The following CSTPP1 variants were observed in gnomAD, a reference collection of about 807,000 sequenced individuals.
CSTPP1 encodes UPF0705 protein C11orf49.
At chr11:46,946,542 C>G in the CSTPP1 span, among the ~76,000 whole-genome samples, 10 of 152,312 alleles carry the variant, frequency 6.6e-5, no homozygotes, top group Non-Finnish European at 7.3e-5. Context: ...CCTGTAGTCC[C>G]AGCTACTCGC....
the CSTPP1 span, among the ~76,000 whole-genome samples, chr11:47,128,053 T>C: frequency 6.6e-5 from 10 of 152,132 alleles, no homozygotes; most frequent in African/African-American, 2.2e-4. Flanking sequence ...CTTTTTGTAT[T>C]TTTAGTATAG....
At chr11:47,156,734 A>G in the CSTPP1 span, among the ~76,000 whole-genome samples, 4 of 148,094 alleles carry the variant, frequency 2.7e-5, no homozygotes, top group African/African-American at 9.9e-5. Context: ...TAAGTGCCAG[A>G]AAAAAAAAAG....
the CSTPP1 span, among the ~76,000 whole-genome samples, chr11:47,037,662 G>A: frequency 0.019 from 2,275 of 122,216 alleles, 199 homozygotes; most frequent in African/African-American, 0.055. Flanking sequence ...ATTCAACCCT[G>A]AGTGGATACA....
the CSTPP1 span, among the ~76,000 whole-genome samples, chr11:46,937,372 A>G: frequency 6.6e-6 from 1 of 152,136 alleles, no homozygotes; most frequent in Admixed American, 6.6e-5. Context: ...CCACACAGCT[A>G]GAAAATGGTA....
chr11:46,949,167 A>G, the CSTPP1 span, among the ~76,000 whole-genome samples: 1 of 152,250 alleles, frequency 6.6e-6, no homozygotes, highest in African/African-American at 2.4e-5. Flanking sequence ...AATTTCCCCA[A>G]CAAATGGAGT....
At chr11:46,948,065 T>C in the CSTPP1 span, 454,327 of 456,276 alleles carry the variant, frequency 1, 226,213 homozygotes, top group East Asian at 1. Flanking sequence ...GTAAGATATA[T>C]GAAAGGCCAC....
chr11:47,157,742 A>T, the CSTPP1 span: 2 of 1,469,324 alleles, frequency 1.4e-6, no homozygotes, highest in Non-Finnish European at 1.9e-6. Context: ...ATCCTCATGA[A>T]CCTGAAAGTA....
At chr11:46,987,263 CAG>C in the CSTPP1 span, 1 of 1,614,176 alleles carries the variant, frequency 6.2e-7, no homozygotes, top group Non-Finnish European at 8.5e-7. Flanking sequence ...TGCTAGAAAA[CAG>C]GGAAGATATT....
chr11:47,114,379 G>C, the CSTPP1 span, among the ~76,000 whole-genome samples: 1 of 152,142 alleles, frequency 6.6e-6, no homozygotes. Flanking sequence ...TTCTAATTCT[G>C]TGAAGAAAGT....
chr11:47,145,171 A>T, the CSTPP1 span, among the ~76,000 whole-genome samples: 1 of 151,860 alleles, frequency 6.6e-6, no homozygotes, highest in Admixed American at 6.6e-5. Flanking sequence ...TATTCTTAGT[A>T]GAGACTGGGT....
At chr11:47,147,406 G>A in the CSTPP1 span, among the ~76,000 whole-genome samples, 1 of 152,294 alleles carries the variant, frequency 6.6e-6, no homozygotes, top group East Asian at 1.9e-4. Flanking sequence ...GGCAGAGGGA[G>A]GGAAAGTGGG....
chr11:47,125,575 C>G, the CSTPP1 span, among the ~76,000 whole-genome samples: 12 of 152,178 alleles, frequency 7.9e-5, no homozygotes, highest in Non-Finnish European at 1.3e-4. Flanking sequence ...TCTGTGGCTG[C>G]TTTGGACAGT....
At chr11:47,038,718 G>T in the CSTPP1 span, among the ~76,000 whole-genome samples, 20 of 124,596 alleles carry the variant, frequency 1.6e-4, 8 homozygotes, top group Non-Finnish European at 3.7e-4. Context: ...GGTGGCTCCC[G>T]GGCAGAGACG....
the CSTPP1 span, among the ~76,000 whole-genome samples, chr11:47,058,791 C>T: frequency 6.6e-6 from 1 of 152,150 alleles, no homozygotes; most frequent in African/African-American, 2.4e-5. Context: ...CCAGGAGAAG[C>T]CATGAAGTCT....
chr11:46,936,803 A>G, the CSTPP1 span: 1 of 1,610,504 alleles, frequency 6.2e-7, no homozygotes, highest in Non-Finnish European at 8.5e-7. Context: ...CCCCGGTCAA[A>G]GGATGCTGAG....
At chr11:46,961,580 T>G in the CSTPP1 span, among the ~76,000 whole-genome samples, 1 of 152,236 alleles carries the variant, frequency 6.6e-6, no homozygotes, top group Non-Finnish European at 1.5e-5. Flanking sequence ...TTAATTTTGA[T>G]GAAGTCCAAT....
chr11:47,039,515 T>C, the CSTPP1 span, among the ~76,000 whole-genome samples: 2 of 125,870 alleles, frequency 1.6e-5, 1 homozygote, highest in Non-Finnish European at 3.8e-5. Flanking sequence ...TCTGGTACTT[T>C]CTTATAGCCA....
chr11:46,976,738 T>C, the CSTPP1 span, among the ~76,000 whole-genome samples: 7 of 152,156 alleles, frequency 4.6e-5, no homozygotes, highest in Non-Finnish European at 1.0e-4. Context: ...TCCATGAGTA[T>C]ATGCAGGGGG....
the CSTPP1 span, among the ~76,000 whole-genome samples, chr11:47,026,339 T>C: frequency 5.9e-5 from 9 of 152,198 alleles, no homozygotes; most frequent in African/African-American, 1.4e-4. Flanking sequence ...GGCAAGCTCC[T>C]GGAAGCTCTG....
Sources: gnomAD v4.1 joint callset for allele counts (sites outside exome capture counted in the v4.1 genomes callset) on GRCh38, gnomAD v4.1.1 for gene constraint, MANE v1.5 for transcripts, NCBI Gene and HGNC (gene_info 2026-07-23, HGNC 2026-07-21) for gene names.